FRMD4B: variants seen among roughly 807,000 people sequenced by gnomAD.
FRMD4B encodes FERM domain containing 4B, also known as FERM domain-containing protein 4B.
A neutral mutation model predicts 141.5 loss-of-function variants in FRMD4B; 74 were observed. The observed-to-expected ratio is 0.52, with a 90% CI of 0.43 to 0.63. The LOEUF is 0.63. Ranked by LOEUF, FRMD4B falls within the 30% of genes least tolerant of loss-of-function variation. The pLI is 0.00. For missense variants in FRMD4B, 1,366 were observed against 1,253.4 expected, an observed-to-expected ratio of 1.09 and a Z score of -1.36; for synonymous variants, 506 against 467.9, an observed-to-expected ratio of 1.08 and a Z score of -1.05.
chr3:69,389,060 G>T (rs1462910045), upstream of FRMD4B, among the ~76,000 whole-genome samples: 1 of 121,064 alleles, frequency 8.3e-6, no homozygotes, highest in African/African-American at 3.1e-5. Flanking sequence ...TTGAAACGTA[G>T]TCTCCCTCTG....
At position 69,507,138 on chromosome 3, in the gene FRMD4B, G is replaced by GT. The variant is rs1412026029; in HGVS notation, c.-129+35067dup. Among the ~76,000 whole-genome samples, 6 of 152,220 alleles carry GT rather than the reference G, an allele frequency of 3.9e-5. No homozygotes were observed. The South Asian group carries it at 8.3e-4, about 21-fold the overall frequency. ...ACACCAATTAGCCTTTAATGGAGCT[G>GT]TTTTTTGTGACACACACAAGCAGAA... On this transcript the variant is annotated intron_variant, in intron 1 of 5. Coordinates refer to the FRMD4B transcript ENST00000459638.
At position 69,227,230 on chromosome 3, in the gene FRMD4B, C is replaced by A. The variant is rs78196943; in HGVS notation, c.582-2540G>T. ...AAATTACTACAGGTTAATCATGAGC[C>A]AGTATCTGAGATAATGATGAATATT... On this transcript the variant is annotated intron_variant, in intron 7 of 22. Coordinates refer to ENST00000398540, the MANE Select transcript of FRMD4B (RefSeq NM_015123.3). Among the ~76,000 whole-genome samples the A allele has an allele frequency of 7.9e-5, 12 of 152,220 alleles. No homozygotes were observed. In the East Asian group the frequency reaches 2.3e-3, roughly 29 times the overall value.
intron 1 of FRMD4B, among the ~76,000 whole-genome samples, chr3:69,504,463 A>G (rs920305063): frequency 1.3e-5 from 2 of 152,192 alleles, no homozygotes; most frequent in Admixed American, 1.3e-4. Context: ...CACCGAGTGT[A>G]GTCATCCCCA....
intron 7 of FRMD4B, among the ~76,000 whole-genome samples, chr3:69,234,498 C>A (rs1204822250): frequency 6.6e-6 from 1 of 152,132 alleles, no homozygotes; most frequent in Non-Finnish European, 1.5e-5. Context: ...CTTCAAATTG[C>A]CCTTTATTGA....
At chr3:69,259,207 G>A (rs1044857439) in intron 5 of FRMD4B, among the ~76,000 whole-genome samples, 8 of 152,162 alleles carry the variant, frequency 5.3e-5, no homozygotes, top group Non-Finnish European at 8.8e-5. Flanking sequence ...CCTAGATTCC[G>A]TGCATGTGCA....
rs572405487 is a variant in FRMD4B at position 69,296,109 on chromosome 3, G to A, written c.416+6234C>T. ...AGATTACAAGCATGAGTCACTGCTC[G>A]TGAGTGGCACCCAGCCCCACAATAC... On this transcript the variant is annotated intron_variant, in intron 4 of 22. Coordinates refer to ENST00000398540, the MANE Select transcript of FRMD4B (RefSeq NM_015123.3). 5.9e-5 allele frequency among the ~76,000 whole-genome samples: 9 copies of A among 152,182 alleles called. 1 individual carries two copies. In the South Asian group the frequency reaches 1.7e-3, roughly 28 times the overall value.
intron 1 of FRMD4B, among the ~76,000 whole-genome samples, chr3:69,462,243 G>A (rs1484663295): frequency 6.6e-6 from 1 of 152,202 alleles, no homozygotes; most frequent in Non-Finnish European, 1.5e-5. Flanking sequence ...CTGAGAGACT[G>A]TGTGAGCATG....
intron 18 of FRMD4B, among the ~76,000 whole-genome samples, chr3:69,188,440 T>C (rs1007696393): frequency 1.3e-5 from 2 of 152,094 alleles, no homozygotes; most frequent in African/African-American, 4.8e-5. Flanking sequence ...AAACATCACC[T>C]CACATGAAGA....
intron 11 of FRMD4B, among the ~76,000 whole-genome samples, chr3:69,212,381 G>GAAAAA (rs61444871): frequency 4.2e-5 from 4 of 95,594 alleles, no homozygotes; most frequent in Non-Finnish European, 7.7e-5. Flanking sequence ...AAAAAAAAAA[G>GAAAAA]AAAAAAAAAA....
At chr3:69,313,922 G>A (rs1298235541) in intron 1 of FRMD4B, among the ~76,000 whole-genome samples, 1 of 148,288 alleles carries the variant, frequency 6.7e-6, no homozygotes, top group African/African-American at 2.5e-5. Context: ...GGCGGATCAC[G>A]AGGTCAGGAG....
chr3:69,191,359 G>T (rs974220461), intron 17 of FRMD4B, among the ~76,000 whole-genome samples: 1 of 152,178 alleles, frequency 6.6e-6, no homozygotes, highest in Non-Finnish European at 1.5e-5. Flanking sequence ...GGCGGAGGTT[G>T]CAGTGAGCCG....
At chr3:69,394,782 A>G (rs1704447035) in intron 2 of FRMD4B, among the ~76,000 whole-genome samples, 1 of 152,248 alleles carries the variant, frequency 6.6e-6, no homozygotes. Flanking sequence ...CCCATCAGTG[A>G]TAGACTGGAT....
chr3:69,238,162 G>C lies in FRMD4B; in HGVS notation c.581+11064C>G, dbSNP rs148401317. Among the ~76,000 whole-genome samples, 63 of 152,254 alleles carry C rather than the reference G, an allele frequency of 4.1e-4. 1 individual carries two copies. The East Asian group carries it at 0.012, about 28-fold the overall frequency. ...TGTTGGTGCTCTAATTTACAGATAA[G>C]GAAACTGAGATTTAGAAAGATCACC... On this transcript the variant is annotated intron_variant, in intron 7 of 22. Transcript: ENST00000398540.
At chr3:69,368,228 GT>G (rs1013781539) in intron 1 of FRMD4B, among the ~76,000 whole-genome samples, 8 of 152,168 alleles carry the variant, frequency 5.3e-5, no homozygotes, top group African/African-American at 1.9e-4. Context: ...GCTCAAATGG[GT>G]TGAGAAACAT....
At chr3:69,524,074 C>A (rs564433844) in intron 1 of FRMD4B, among the ~76,000 whole-genome samples, 3 of 152,282 alleles carry the variant, frequency 2.0e-5, no homozygotes, top group Non-Finnish European at 4.4e-5. Context: ...CCATAGATGA[C>A]CCCCCACCCT....
intron 1 of FRMD4B, among the ~76,000 whole-genome samples, chr3:69,435,087 A>C (rs62252263): frequency 0.26 from 40,244 of 151,948 alleles, 5,797 homozygotes; most frequent in East Asian, 0.47. Context: ...CCTAATTTTA[A>C]CTTAATCACC....
intron 1 of FRMD4B, chr3:69,353,561 C>G (rs1703224073): frequency 1.0e-6 from 1 of 984,988 alleles, no homozygotes; most frequent in Non-Finnish European, 1.2e-6. Context: ...CCACCATGAC[C>G]TCGGCTCATT....
chr3:69,397,319 G>T (rs183188730), intron 2 of FRMD4B, among the ~76,000 whole-genome samples: 2 of 152,140 alleles, frequency 1.3e-5, no homozygotes, highest in East Asian at 3.9e-4. Context: ...GAGTTGGGGC[G>T]TGAGGTGTCG....
chr3:69,335,424 G>C (rs1702511613), intron 1 of FRMD4B, among the ~76,000 whole-genome samples: 1 of 145,800 alleles, frequency 6.9e-6, no homozygotes, highest in Non-Finnish European at 1.5e-5. Context: ...CCAGGCTGGA[G>C]TGCAGTGGCA....
Sources: gnomAD v4.1 joint callset for allele counts (sites outside exome capture counted in the v4.1 genomes callset) on GRCh38, gnomAD v4.1.1 for gene constraint, MANE v1.5 for transcripts, NCBI Gene and HGNC (gene_info 2026-07-23, HGNC 2026-07-21) for gene names.